NR6A1: variants seen among roughly 807,000 people sequenced by gnomAD.
NR6A1 encodes nuclear receptor subfamily 6 group A member 1.
A neutral mutation model predicts 59.1 loss-of-function variants in NR6A1; 7 were observed. That is an observed-to-expected ratio of 0.12 (90% CI 0.07 to 0.22). The LOEUF is 0.22. NR6A1 is among the 10% of genes least tolerant of loss of function. The pLI is 1.00. For synonymous variants in NR6A1, 243 were observed against 236.1 expected (o/e 1.03, Z -0.27); for missense variants, 468 against 611.6 (o/e 0.77, Z 2.48).
intron 2 of NR6A1, among the ~76,000 whole-genome samples, chr9:124,659,143 T>C (rs931220967): frequency 6.6e-6 from 1 of 152,182 alleles, no homozygotes; most frequent in African/African-American, 2.4e-5. Context: ...TTGTGCCGCC[T>C]GGGGCGGTGG....
chr9:124,544,542 T>G (rs901326761), intron 3 of NR6A1, among the ~76,000 whole-genome samples: 4 of 152,224 alleles, frequency 2.6e-5, no homozygotes, highest in African/African-American at 9.6e-5. Context: ...GGCAATCCTT[T>G]CTGGAAAAGA....
At chr9:124,692,275 T>A (rs1041753670) in intron 2 of NR6A1, among the ~76,000 whole-genome samples, 1 of 152,230 alleles carries the variant, frequency 6.6e-6, no homozygotes, top group Admixed American at 6.5e-5. Flanking sequence ...AGTCTGCTTG[T>A]ACAAATTACT....
At chr9:124,700,393 AT>A (rs199555054) in intron 2 of NR6A1, among the ~76,000 whole-genome samples, 1 of 150,484 alleles carries the variant, frequency 6.6e-6, no homozygotes, top group Admixed American at 6.6e-5. Flanking sequence ...TTTAATTTTT[AT>A]TTTTTTAGTA....
intron 1 of NR6A1, among the ~76,000 whole-genome samples, chr9:124,769,924 T>G (rs550139124): frequency 6.6e-6 from 1 of 152,166 alleles, no homozygotes. Context: ...AATAAAAACA[T>G]TCCGCGGCAA....
intron 2 of NR6A1, among the ~76,000 whole-genome samples, chr9:124,610,576 C>T (rs1459040977): frequency 6.6e-6 from 1 of 152,022 alleles, no homozygotes; most frequent in Non-Finnish European, 1.5e-5. Context: ...TTTGTTGTAT[C>T]TCTGCCAGGT....
intron 1 of NR6A1, among the ~76,000 whole-genome samples, chr9:124,736,633 C>G (rs1217918321): frequency 6.6e-6 from 1 of 152,046 alleles, no homozygotes; most frequent in African/African-American, 2.4e-5. Context: ...CGCTTGAGCC[C>G]AGGAGTCGGA....
intron 1 of NR6A1, among the ~76,000 whole-genome samples, chr9:124,768,759 T>C (rs1264722499): frequency 1.3e-5 from 2 of 152,224 alleles, no homozygotes; most frequent in Non-Finnish European, 2.9e-5. Context: ...AATGTACTAA[T>C]GAATAATTAA....
intron 2 of NR6A1, among the ~76,000 whole-genome samples, chr9:124,595,373 C>T (rs553648610): frequency 6.6e-6 from 1 of 151,998 alleles, no homozygotes; most frequent in South Asian, 2.1e-4. Context: ...TGGCAGATAG[C>T]GAACTGGATT....
At chr9:124,717,786 C>G (rs912529456) in intron 2 of NR6A1, among the ~76,000 whole-genome samples, 1 of 152,212 alleles carries the variant, frequency 6.6e-6, no homozygotes, top group Non-Finnish European at 1.5e-5. Flanking sequence ...CACTTACCAG[C>G]TGTGTGACCT....
chr9:124,673,527 G>A (rs1837857255), intron 2 of NR6A1, among the ~76,000 whole-genome samples: 1 of 152,122 alleles, frequency 6.6e-6, no homozygotes, highest in Admixed American at 6.5e-5. Context: ...TGTGCCTGCA[G>A]TCCTAGCTAC....
intron 2 of NR6A1, among the ~76,000 whole-genome samples, chr9:124,600,036 A>G (rs2130819701): frequency 6.6e-6 from 1 of 152,326 alleles, no homozygotes; most frequent in Non-Finnish European, 1.5e-5. Context: ...CACTAGAATC[A>G]TTTCTGCCTT....
intron 2 of NR6A1, among the ~76,000 whole-genome samples, chr9:124,576,538 T>C (rs1235536395): frequency 1.3e-5 from 2 of 152,104 alleles, no homozygotes; most frequent in Non-Finnish European, 1.5e-5. Context: ...CTGCCCACCT[T>C]GGCCTCCCAA....
At chr9:124,727,286 T>C (rs866521690) in intron 2 of NR6A1, among the ~76,000 whole-genome samples, 2 of 152,224 alleles carry the variant, frequency 1.3e-5, no homozygotes, top group African/African-American at 2.4e-5. Context: ...TGTAGTTACA[T>C]TTAGGATGGC....
chr9:124,528,672 C>A (rs776559105), intron 7 of NR6A1, among the ~76,000 whole-genome samples: 2 of 151,548 alleles, frequency 1.3e-5, no homozygotes, highest in Non-Finnish European at 2.9e-5. Flanking sequence ...ACTGCACTGG[C>A]CTGGGCAATA....
chr9:124,536,030 G>A lies in NR6A1; in HGVS notation c.927C>T (p.Cys309=), dbSNP rs375223912. 23 of 1,614,100 alleles carry A rather than the reference G, an allele frequency of 1.4e-5. No homozygotes were observed. The highest frequency in any genetic ancestry group is 3.3e-5 in the Admixed American group (2 of 60,004). The change falls in exon 7 of 10, where the codon TGC becomes TGT. Residue 309 remains cysteine (C), a synonymous_variant. Transcript: ENST00000487099. ...IAWIKKLPFF[C]ELSIKDYTCL... ...ACGTGTAATCCTTGATTGAGAGCTC[G>A]CAGAAGAAAGGCAGTTTCTTGATCC... is the stretch of plus-strand genomic sequence containing the variant.
At chr9:124,615,029 A>G (rs759180500) in intron 2 of NR6A1, among the ~76,000 whole-genome samples, 1 of 152,188 alleles carries the variant, frequency 6.6e-6, no homozygotes, top group Non-Finnish European at 1.5e-5. Flanking sequence ...TTTCACACAA[A>G]TAAGATAGTT....
At chr9:124,734,654 T>C (rs1260330547) in intron 1 of NR6A1, among the ~76,000 whole-genome samples, 3 of 151,164 alleles carry the variant, frequency 2.0e-5, no homozygotes, top group Non-Finnish European at 2.9e-5. Context: ...GATTGAACCA[T>C]TGCACTCCAG....
intron 6 of NR6A1, among the ~76,000 whole-genome samples, chr9:124,537,786 C>G (rs1009673140): frequency 1.3e-5 from 2 of 152,128 alleles, no homozygotes; most frequent in African/African-American, 2.4e-5. Context: ...CTGCTCATCT[C>G]TAGCATGGAA....
At chr9:124,623,873 A>G (rs1188170547) in intron 2 of NR6A1, among the ~76,000 whole-genome samples, 1 of 152,162 alleles carries the variant, frequency 6.6e-6, no homozygotes, top group Non-Finnish European at 1.5e-5. Context: ...AGACAACATA[A>G]GCCTCCTCCC....
Sources: gnomAD v4.1 joint callset for allele counts (sites outside exome capture counted in the v4.1 genomes callset) on GRCh38, gnomAD v4.1.1 for gene constraint, MANE v1.5 for transcripts, NCBI Gene and HGNC (gene_info 2026-07-23, HGNC 2026-07-21) for gene names.